Variants in CSMD1 observed in about 807,000 individuals in gnomAD.
CSMD1 encodes the protein CUB and Sushi multiple domains 1.
In CSMD1, 213 loss-of-function variants were observed where a neutral mutation model predicts 417.5. The ratio of observed to expected loss-of-function variants is 0.51; its 90% CI spans 0.46 to 0.57. The LOEUF is 0.57. Among genes scored for constraint, CSMD1 ranks in the 20% least tolerant of loss-of-function variants. The pLI, the probability that CSMD1 is intolerant of heterozygous loss-of-function variation, is 0.00. For missense variants in CSMD1, 6,923 were observed against 4,529.7 expected, an observed-to-expected ratio of 1.53 and a Z score of -15.17; for synonymous variants, 2,862 against 1,736.8, an observed-to-expected ratio of 1.65 and a Z score of -16.11.
At chr8:3,757,893 C>A (rs889610253) in intron 5 of CSMD1, among the ~76,000 whole-genome samples, 1 of 151,906 alleles carries the variant, frequency 6.6e-6, no homozygotes, top group Non-Finnish European at 1.5e-5. Context: ...ACAAAAACAC[C>A]GAGCTGGAAG....
intron 3 of CSMD1, among the ~76,000 whole-genome samples, chr8:4,206,477 T>C (rs1799989355): frequency 6.6e-6 from 1 of 152,110 alleles, no homozygotes; most frequent in South Asian, 2.1e-4. Flanking sequence ...AGAATAATGG[T>C]TTCCAGCTTC....
At chr8:4,229,779 G>T (rs1442339684) in intron 3 of CSMD1, among the ~76,000 whole-genome samples, 1 of 152,072 alleles carries the variant, frequency 6.6e-6, no homozygotes, top group Non-Finnish European at 1.5e-5. Context: ...CCCACTAAGT[G>T]TTTCATCACT....
intron 3 of CSMD1, among the ~76,000 whole-genome samples, chr8:4,377,018 C>T (rs961445262): frequency 6.6e-6 from 1 of 152,206 alleles, no homozygotes; most frequent in African/African-American, 2.4e-5. Flanking sequence ...GGTACAGTGG[C>T]AAGTGGGATG....
At chr8:2,969,788 T>C (rs113266521) in intron 57 of CSMD1, among the ~76,000 whole-genome samples, 1 of 152,194 alleles carries the variant, frequency 6.6e-6, no homozygotes, top group South Asian at 2.1e-4. Flanking sequence ...TTCTCCAAAA[T>C]GTATTTCAAA....
intron 8 of CSMD1, among the ~76,000 whole-genome samples, chr8:3,602,271 G>C (rs549392639): frequency 3.9e-5 from 6 of 152,204 alleles, no homozygotes; most frequent in Non-Finnish European, 7.4e-5. Context: ...GCACAGTTTA[G>C]AGTCCCCAGG....
intron 5 of CSMD1, among the ~76,000 whole-genome samples, chr8:3,802,233 G>C (rs1271029241): frequency 6.6e-6 from 1 of 152,118 alleles, no homozygotes; most frequent in African/African-American, 2.4e-5. Flanking sequence ...AAATATACAT[G>C]ATAGAGGCAT....
At chr8:3,817,906 G>A (rs922338591) in intron 5 of CSMD1, among the ~76,000 whole-genome samples, 1 of 152,138 alleles carries the variant, frequency 6.6e-6, no homozygotes, top group African/African-American at 2.4e-5. Flanking sequence ...TGCAGATTCA[G>A]CCCTGTTAAC....
At chr8:4,907,736 T>C (rs1028469718) in intron 1 of CSMD1, among the ~76,000 whole-genome samples, 3 of 140,934 alleles carry the variant, frequency 2.1e-5, no homozygotes, top group African/African-American at 7.6e-5. Flanking sequence ...TTTTTTTTTT[T>C]TTCATTTTTT....
intron 1 of CSMD1, among the ~76,000 whole-genome samples, chr8:4,952,684 C>T (rs7819085): frequency 0.86 from 130,862 of 151,722 alleles, 56,593 homozygotes; most frequent in Admixed American, 0.9. Context: ...AGAAGCAAAA[C>T]ATGGAATACA....
At chr8:4,415,535 T>TAAA (rs552021618) in intron 3 of CSMD1, among the ~76,000 whole-genome samples, 1 of 152,236 alleles carries the variant, frequency 6.6e-6, no homozygotes, top group Non-Finnish European at 1.5e-5. Context: ...CCCTGTTTTA[T>TAAA]AAAGCCGGAA....
At chr8:3,641,081 G>A (rs1402671827) in intron 7 of CSMD1, among the ~76,000 whole-genome samples, 3 of 132,100 alleles carry the variant, frequency 2.3e-5, no homozygotes, top group African/African-American at 5.7e-5. Flanking sequence ...TAATGATTCA[G>A]GACTCTGAGA....
chr8:4,118,546 A>T (rs1265513005), intron 3 of CSMD1, among the ~76,000 whole-genome samples: 2 of 152,230 alleles, frequency 1.3e-5, no homozygotes, highest in African/African-American at 4.8e-5. Flanking sequence ...ATGGGATACC[A>T]TCTCACGCCA....
At chr8:3,643,700 C>CAAAAAAAAA (rs66500235) in intron 7 of CSMD1, among the ~76,000 whole-genome samples, 41 of 85,332 alleles carry the variant, frequency 4.8e-4, no homozygotes, top group African/African-American at 5.8e-4. Flanking sequence ...GACTCCGTCT[C>CAAAAAAAAA]AAAAAAAAAA....
At chr8:3,100,751 A>G (rs1815677452) in intron 46 of CSMD1, among the ~76,000 whole-genome samples, 1 of 152,248 alleles carries the variant, frequency 6.6e-6, no homozygotes, top group African/African-American at 2.4e-5. Flanking sequence ...ATAGGCCTTC[A>G]GCAAAACTAA....
chr8:3,452,233 T>C (rs1490701982), intron 12 of CSMD1, among the ~76,000 whole-genome samples: 1 of 152,204 alleles, frequency 6.6e-6, no homozygotes, highest in Non-Finnish European at 1.5e-5. Context: ...CAATGGGGTT[T>C]TCTAAATATA....
chr8:4,533,650 C>G (rs570175854), intron 2 of CSMD1, among the ~76,000 whole-genome samples: 1 of 151,746 alleles, frequency 6.6e-6, no homozygotes, highest in Non-Finnish European at 1.5e-5. Flanking sequence ...GACCCCAAAA[C>G]GATGTCATTG....
intron 1 of CSMD1, among the ~76,000 whole-genome samples, chr8:4,916,225 T>C (rs1457819463): frequency 6.6e-6 from 1 of 152,190 alleles, no homozygotes; most frequent in East Asian, 1.9e-4. Context: ...TGACCACAAT[T>C]ATAAAACTAA....
intron 1 of CSMD1, among the ~76,000 whole-genome samples, chr8:4,715,350 T>C (rs1184012976): frequency 6.6e-6 from 1 of 152,208 alleles, no homozygotes; most frequent in African/African-American, 2.4e-5. Flanking sequence ...TACAAAGCAA[T>C]GCTTCATCAA....
chr8:3,905,047 CT>C (rs1278448706), intron 5 of CSMD1, among the ~76,000 whole-genome samples: 3 of 152,142 alleles, frequency 2.0e-5, no homozygotes, highest in Admixed American at 2.0e-4. Flanking sequence ...CTGATTTTCT[CT>C]GTGGTTCCTT....
Sources: gnomAD v4.1 joint callset for allele counts (sites outside exome capture counted in the v4.1 genomes callset) on GRCh38, gnomAD v4.1.1 for gene constraint, MANE v1.5 for transcripts, NCBI Gene and HGNC (gene_info 2026-07-23, HGNC 2026-07-21) for gene names.